The following STK3 variants were observed in gnomAD, a reference collection of about 807,000 sequenced individuals.
The protein encoded by STK3 is serine/threonine-protein kinase 3.
Under a neutral mutation model 58.0 loss-of-function variants are expected in STK3, and 41 were observed. That is an observed-to-expected ratio of 0.71 (90% confidence interval 0.55 to 0.92). The LOEUF is 0.92. Ranked by LOEUF, STK3 falls within the 40% of genes least tolerant of loss-of-function variation. The pLI, the probability that STK3 is intolerant of heterozygous loss-of-function variation, is 0.00. For missense variants in STK3, 479 were observed against 602.7 expected (o/e 0.79, Z 2.15); for synonymous variants, 170 against 191.0 (o/e 0.89, Z 0.91).
intron 3 of STK3, among the ~76,000 whole-genome samples, chr8:98,855,721 A>G (rs1172827485): frequency 6.6e-6 from 1 of 152,118 alleles, no homozygotes; most frequent in Non-Finnish European, 1.5e-5. Flanking sequence ...TATATAAAGG[A>G]GGCTTTCAGG....
At chr8:98,397,821 T>A (rs962029661), downstream of STK3, among the ~76,000 whole-genome samples, 1 of 152,166 alleles carries the variant, frequency 6.6e-6, no homozygotes, top group African/African-American at 2.4e-5. Flanking sequence ...TGTGTGGCAG[T>A]TGCCCGCTTG....
chr8:98,632,820 C>T (rs940965144), intron 6 of STK3, among the ~76,000 whole-genome samples: 9 of 152,120 alleles, frequency 5.9e-5, no homozygotes, highest in African/African-American at 2.2e-4. Context: ...CACATGGTAG[C>T]ACTCAAGCTG....
At chr8:98,939,461 T>G (rs999217604) in intron 1 of STK3, among the ~76,000 whole-genome samples, 2 of 152,244 alleles carry the variant, frequency 1.3e-5, no homozygotes, top group African/African-American at 2.4e-5. Flanking sequence ...GACCACACTT[T>G]AAGAACCGCT....
chr8:98,352,789 A>C, the STK3 span, among the ~76,000 whole-genome samples: 3 of 152,148 alleles, frequency 2.0e-5, no homozygotes, highest in African/African-American at 7.2e-5. Context: ...AAAACAATGT[A>C]CAGTAACCTT....
chr8:98,902,728 A>G (rs1051971738), intron 1 of STK3, among the ~76,000 whole-genome samples: 12 of 152,234 alleles, frequency 7.9e-5, no homozygotes, highest in African/African-American at 2.9e-4. Context: ...TATCCTACAC[A>G]AAAATACTTC....
At chr8:98,935,448 G>A (rs1300805039) in intron 1 of STK3, among the ~76,000 whole-genome samples, 1 of 152,050 alleles carries the variant, frequency 6.6e-6, no homozygotes, top group Non-Finnish European at 1.5e-5. Flanking sequence ...CTTCCTCAAG[G>A]CCTCATACAT....
intron 7 of STK3, among the ~76,000 whole-genome samples, chr8:98,589,636 C>A (rs1473451360): frequency 6.6e-6 from 1 of 152,272 alleles, no homozygotes; most frequent in Non-Finnish European, 1.5e-5. Context: ...CCAGTTCGAG[C>A]TTCCTGGCTG....
chr8:98,460,226 T>C (rs1359104248), intron 10 of STK3, among the ~76,000 whole-genome samples: 1 of 152,174 alleles, frequency 6.6e-6, no homozygotes, highest in East Asian at 1.9e-4. Context: ...AAGGAGATCA[T>C]TTTGGAACTT....
chr8:98,681,463 T>A (rs570986075), intron 6 of STK3, among the ~76,000 whole-genome samples: 7 of 152,320 alleles, frequency 4.6e-5, no homozygotes, highest in East Asian at 3.9e-4. Flanking sequence ...ATAAATTTTT[T>A]AATAATGTTT....
intron 3 of STK3, among the ~76,000 whole-genome samples, chr8:98,868,829 T>A (rs1379121000): frequency 2.0e-5 from 3 of 151,124 alleles, no homozygotes; most frequent in African/African-American, 7.3e-5. Flanking sequence ...TAAAAAAAAA[T>A]AGCCAGCTGT....
At chr8:98,691,751 G>A (rs1824419792) in intron 6 of STK3, among the ~76,000 whole-genome samples, 1 of 152,042 alleles carries the variant, frequency 6.6e-6, no homozygotes, top group South Asian at 2.1e-4. Context: ...GGCAAACATG[G>A]TGAAACCCCG....
intron 3 of STK3, among the ~76,000 whole-genome samples, chr8:98,409,900 C>T (rs1246934877): frequency 6.6e-6 from 1 of 152,138 alleles, no homozygotes; most frequent in Non-Finnish European, 1.5e-5. Flanking sequence ...CTTCCTCAGC[C>T]GGAGAGTGCC....
At chr8:98,349,838 A>T in the STK3 span, among the ~76,000 whole-genome samples, 2 of 152,104 alleles carry the variant, frequency 1.3e-5, no homozygotes, top group East Asian at 3.8e-4. Context: ...TAGACTGCAC[A>T]CAGCAGAGGG....
chr8:98,675,697 C>T (rs1309975326), intron 6 of STK3, among the ~76,000 whole-genome samples: 1 of 151,986 alleles, frequency 6.6e-6, no homozygotes, highest in African/African-American at 2.4e-5. Flanking sequence ...CCCCTCTCTA[C>T]TAAAAATAAC....
intron 6 of STK3, among the ~76,000 whole-genome samples, chr8:98,630,001 T>A (rs749626165): frequency 3.3e-5 from 5 of 152,158 alleles, no homozygotes; most frequent in Admixed American, 6.5e-5. Flanking sequence ...TATGCCGACA[T>A]TATTAAAACC....
intron 1 of STK3, among the ~76,000 whole-genome samples, chr8:98,790,793 G>A (rs1434179693): frequency 2.0e-5 from 3 of 152,074 alleles, no homozygotes; most frequent in Admixed American, 2.0e-4. Flanking sequence ...GATCAGCCTG[G>A]CCAACATAGT....
At chr8:98,813,787 TTTC>T (rs1834370186) in intron 1 of STK3, among the ~76,000 whole-genome samples, 3 of 152,214 alleles carry the variant, frequency 2.0e-5, no homozygotes, top group Admixed American at 1.3e-4. Context: ...TTACATTCGC[TTTC>T]TTAATTACTA....
intron 6 of STK3, among the ~76,000 whole-genome samples, chr8:98,674,257 AT>A (rs1757284243): frequency 6.6e-6 from 1 of 152,306 alleles, no homozygotes; most frequent in East Asian, 1.9e-4. Context: ...TATTTTGTAA[AT>A]TTAACCCCAC....
chr8:98,843,357 G>T (rs962995729), intron 3 of STK3, among the ~76,000 whole-genome samples: 7 of 152,178 alleles, frequency 4.6e-5, no homozygotes, highest in Non-Finnish European at 7.3e-5. Flanking sequence ...TCCAAATTTA[G>T]GATTTGCTTT....
Sources: allele counts gnomAD v4.1 joint callset (sites outside exome capture counted in the v4.1 genomes callset), GRCh38; gene constraint gnomAD v4.1.1; transcripts MANE v1.5; gene names NCBI Gene and HGNC (gene_info 2026-07-23, HGNC 2026-07-21).